The following ECPAS variants were observed in gnomAD, a reference collection of about 807,000 sequenced individuals.
The protein encoded by ECPAS is proteasome adapter and scaffold protein ECM29.
In ECPAS, 70 loss-of-function variants were observed where a neutral mutation model predicts 255.1. The ratio of observed to expected loss-of-function variants is 0.27; its 90% CI spans 0.23 to 0.33. The LOEUF is 0.33. ECPAS is among the 10% of genes least tolerant of loss of function. The pLI is 1.00. For synonymous variants in ECPAS, 784 were observed against 775.0 expected, an observed-to-expected ratio of 1.01 and a Z score of -0.19; for missense variants, 1,817 against 2,206.4, an observed-to-expected ratio of 0.82 and a Z score of 3.54.
chr9:111,398,476 T>A (rs759887401), intron 24 of ECPAS, among the ~76,000 whole-genome samples: 3 of 152,160 alleles, frequency 2.0e-5, no homozygotes, highest in Non-Finnish European at 4.4e-5. Flanking sequence ...GGGGGTTCAA[T>A]AGAGAAAATA....
chr9:111,395,706 C>G (rs1405551130), intron 25 of ECPAS, among the ~76,000 whole-genome samples: 1 of 152,176 alleles, frequency 6.6e-6, no homozygotes, highest in African/African-American at 2.4e-5. Flanking sequence ...ATGCCTCTCA[C>G]AGCAAACCCA....
chr9:111,421,195 C>A (rs1252402733), intron 15 of ECPAS, among the ~76,000 whole-genome samples: 1 of 152,102 alleles, frequency 6.6e-6, no homozygotes, highest in East Asian at 1.9e-4. Context: ...GCACATTTAA[C>A]CCTGTCATAT....
chr9:111,459,523 C>A (rs895144049), intron 2 of ECPAS, among the ~76,000 whole-genome samples: 1 of 152,084 alleles, frequency 6.6e-6, no homozygotes, highest in African/African-American at 2.4e-5. Flanking sequence ...TTAGTAGAAT[C>A]CCACCTAGAG....
chr9:111,463,509 A>C (rs2098275695), intron 2 of ECPAS, among the ~76,000 whole-genome samples: 1 of 152,246 alleles, frequency 6.6e-6, no homozygotes, highest in Non-Finnish European at 1.5e-5. Context: ...ACAGAGTATG[A>C]AACAGCAAAG....
At position 111,421,817 on chromosome 9, in the gene ECPAS, G is replaced by A. The variant is rs536755100; in HGVS notation, c.1455+104C>T. The A allele has an allele frequency of 3.6e-5, 48 of 1,346,182 alleles. 2 individuals are homozygous for A. The South Asian group carries it at 6.5e-4, about 18-fold the overall frequency. The allele number at this position is 1,346,182 out of a possible 1,614,324, so 83.4% of individuals were successfully genotyped here. A position where few individuals can be genotyped will look rare whatever the true frequency, so the allele number is the denominator to read the frequency against. ...ATAGATCCTAAATCACAGCCCAAGT[G>A]AAAGCAAATACTCCTCTTATCAAAA... On this transcript the variant is annotated intron_variant, in intron 15 of 49. Transcript: ENST00000684092.
At chr9:111,446,335 A>G (rs2098252941) in intron 3 of ECPAS, among the ~76,000 whole-genome samples, 1 of 152,240 alleles carries the variant, frequency 6.6e-6, no homozygotes, top group Non-Finnish European at 1.5e-5. Context: ...CAGAAAAGAA[A>G]TCGAGCATTG....
intron 1 of ECPAS, among the ~76,000 whole-genome samples, chr9:111,478,241 T>A (rs936682577): frequency 3.3e-5 from 5 of 151,348 alleles, no homozygotes; most frequent in East Asian, 3.9e-4. Flanking sequence ...TCAAAAAAAA[T>A]AAATAGGCCG....
At chr9:111,436,359 G>A (rs2098238204) in intron 7 of ECPAS, among the ~76,000 whole-genome samples, 1 of 152,192 alleles carries the variant, frequency 6.6e-6, no homozygotes, top group Non-Finnish European at 1.5e-5. Context: ...CTTCTCTGTA[G>A]AGCACCAGTC....
chr9:111,389,227 T>C (rs990658877), intron 31 of ECPAS, among the ~76,000 whole-genome samples: 7 of 152,258 alleles, frequency 4.6e-5, no homozygotes, highest in African/African-American at 1.4e-4. Context: ...ACTGAATTCA[T>C]TGGAGATGGG....
At chr9:111,363,733 G>C (rs571294527) in intron 48 of ECPAS, 74 bp from the exon 49 acceptor site, 1 of 749,362 alleles carries the variant, frequency 1.3e-6, no homozygotes, top group Non-Finnish European at 2.2e-6. Context: ...TTGTGTTGCT[G>C]AAAGAAAGAT....
intron 16 of ECPAS, among the ~76,000 whole-genome samples, chr9:111,419,001 G>A (rs2098208843): frequency 6.6e-6 from 1 of 152,204 alleles, no homozygotes; most frequent in Admixed American, 6.5e-5. Flanking sequence ...GTAATAACTT[G>A]TGATGTCCAA....
chr9:111,378,545 T>A, intron 36 of ECPAS, 35 bp downstream of exon 36: 1 of 1,590,832 alleles, frequency 6.3e-7, no homozygotes, highest in East Asian at 2.2e-5. Flanking sequence ...TCTTCCCTCA[T>A]GATACTTACC....
intron 46 of ECPAS, among the ~76,000 whole-genome samples, chr9:111,368,088 C>T (rs2098122804): frequency 6.6e-6 from 1 of 151,736 alleles, no homozygotes; most frequent in African/African-American, 2.4e-5. Context: ...GCAGGATGCA[C>T]TGTAGGACCC....
In ECPAS at chr9:111,369,055, G is replaced by A. The variant is rs774395059; in HGVS notation, c.5093C>T (p.Pro1698Leu). ...CTTACGTTGGGTCTCCGCGTTTCGCGGCCAGGCTTTGCCCAGGCTTTCAAA... is the reference window on the plus strand; with the variant it reads ...CTTACGTTGGGTCTCCGCGTTTCGCAGCCAGGCTTTGCCCAGGCTTTCAAA... ...GAFESLGKAWPRNAETQRCYR... is the reference protein window; with the variant it reads ...GAFESLGKAWLRNAETQRCYR... Residue 1698 changes from proline to leucine, a missense_variant, in exon 46 of 50, where the codon CCG becomes CTG. This residue lies in a region of ECPAS where 960 missense variants were observed against 1,179.0 expected (regional missense o/e 0.81). Transcript: ENST00000684092. The A allele has an allele frequency of 1.3e-6, 2 of 1,590,146 alleles. No individual in the cohort carries two copies. Among genetic ancestry groups the A allele is most frequent in the Non-Finnish European group, 8.5e-7 (1 of 1,171,976 alleles).
chr9:111,451,105 T>C (rs2098259737), intron 3 of ECPAS, among the ~76,000 whole-genome samples: 1 of 152,164 alleles, frequency 6.6e-6, no homozygotes, highest in Admixed American at 6.5e-5. Flanking sequence ...AGAATATTTT[T>C]GCCCCATTAC....
intron 1 of ECPAS, among the ~76,000 whole-genome samples, chr9:111,473,581 G>A (rs1039285108): frequency 6.6e-6 from 1 of 152,060 alleles, no homozygotes; most frequent in Non-Finnish European, 1.5e-5. Flanking sequence ...TCTACCATGG[G>A]AATCATTCCC....
chr9:111,403,110 T>C (rs994412591), intron 24 of ECPAS, among the ~76,000 whole-genome samples: 2 of 151,124 alleles, frequency 1.3e-5, no homozygotes, highest in African/African-American at 4.9e-5. Flanking sequence ...CCTAACACTT[T>C]GGGAGGCCAC....
intron 7 of ECPAS, among the ~76,000 whole-genome samples, chr9:111,436,594 G>A (rs2098238471): frequency 6.6e-6 from 1 of 151,790 alleles, no homozygotes; most frequent in Non-Finnish European, 1.5e-5. Flanking sequence ...ATAAAAGCTA[G>A]ATGAAAATTA....
Position 111,412,035 on chromosome 9 carries a change from T to C in ECPAS, c.2193A>G (p.Ile731Met). Residue 731 changes from isoleucine (I) to methionine (M), a missense_variant, in exon 21 of 50, where the codon ATA becomes ATG. This residue lies in a region of ECPAS where 194 missense variants were observed against 152.8 expected (regional missense o/e 1.27). Coordinates refer to ENST00000684092, the MANE Select transcript of ECPAS (RefSeq NM_001364929.1). ...ATACGTGATTGTCTTTTGTAGTCTT[T>C]ATAAGCTGTTCTATCATTGATTTCA... ...NELKSMIEQL[I>M]KTTKDNHSPE... 6.3e-7 allele frequency: 1 copy of C among 1,577,214 alleles called. No individual in the cohort carries two copies. The highest frequency in any genetic ancestry group is 8.5e-7 in the Non-Finnish European group (1 of 1,169,692).
Sources: allele counts gnomAD v4.1 joint callset (sites outside exome capture counted in the v4.1 genomes callset), GRCh38; gene constraint gnomAD v4.1.1; regional missense constraint gnomAD v4.1.1; transcripts MANE v1.5; gene names NCBI Gene and HGNC (gene_info 2026-07-23, HGNC 2026-07-21).